Variants in CTIF observed in about 807,000 individuals in gnomAD.
CTIF encodes CBP80/20-dependent translation initiation factor.
Under a neutral mutation model 66.0 loss-of-function variants are expected in CTIF, and 21 were observed. The ratio of observed to expected loss-of-function variants is 0.32; its 90% confidence interval spans 0.23 to 0.46. The LOEUF is 0.46. Among genes scored for constraint, CTIF ranks in the 20% least tolerant of loss-of-function variants. The pLI, the probability that CTIF is intolerant of heterozygous loss-of-function variation, is 1.00. For missense variants in CTIF, 739 were observed against 812.7 expected, an observed-to-expected ratio of 0.91 and a Z score of 1.10; for synonymous variants, 345 against 326.4, an observed-to-expected ratio of 1.06 and a Z score of -0.62.
At chr18:48,731,749 A>T (rs746256205) in intron 7 of CTIF, among the ~76,000 whole-genome samples, 7 of 152,240 alleles carry the variant, frequency 4.6e-5, no homozygotes, top group Non-Finnish European at 1.0e-4. Context: ...CCCGCTTATT[A>T]TAACAGCAAT....
rs139060608 is a variant in CTIF, at chr18:48,814,887, A to G, written c.1372-2334A>G. 2.3e-3 allele frequency among the ~76,000 whole-genome samples: 353 copies of G among 152,312 alleles called. 2 individuals carry two copies. The highest frequency in any genetic ancestry group is 5.2e-3 in the South Asian group (25 of 4,818). ...GAAAGATAAACAGCAGAACTCTACA[A>G]TCATACCCAGGTGGACAATTCAGTG... On this transcript the variant is annotated intron_variant, in intron 9 of 11. Transcript: ENST00000256413.
intron 7 of CTIF, among the ~76,000 whole-genome samples, chr18:48,746,744 G>A (rs2092599975): frequency 6.6e-6 from 1 of 152,142 alleles, no homozygotes; most frequent in African/African-American, 2.4e-5. Flanking sequence ...CAGCCCCCTG[G>A]CCCCTGACCC....
chr18:48,553,393 C>T (rs1485381879), intron 1 of CTIF, among the ~76,000 whole-genome samples: 1 of 152,192 alleles, frequency 6.6e-6, no homozygotes, highest in African/African-American at 2.4e-5. Context: ...CTGTGTCTTT[C>T]CCTCCATCCT....
In CTIF at chr18:48,654,810, T is replaced by G. The variant is rs557625252; in HGVS notation, c.253-8942T>G. ...TATGCAACCATAAAAAAGGATGAGT[T>G]CATGTCCTTTGCAGGGACATGGATT... is the stretch of plus-strand genomic sequence containing the variant. On this transcript the variant is annotated intron_variant, in intron 3 of 11. Coordinates refer to ENST00000256413, the MANE Select transcript of CTIF (RefSeq NM_014772.3). Among the ~76,000 whole-genome samples, 13 of 152,280 alleles carry G rather than the reference T, an allele frequency of 8.5e-5. 1 individual carries two copies. The South Asian group carries it at 2.7e-3, about 32-fold the overall frequency.
At chr18:48,726,444 A>C (rs9952724) in intron 7 of CTIF, among the ~76,000 whole-genome samples, 44,158 of 152,046 alleles carry the variant, frequency 0.29, 7,351 homozygotes, top group African/African-American at 0.45. Flanking sequence ...TTGAGAGTGT[A>C]GTCAAACTGT....
intron 2 of CTIF, among the ~76,000 whole-genome samples, chr18:48,631,288 AC>A (rs1294134749): frequency 3.3e-5 from 5 of 151,994 alleles, no homozygotes; most frequent in African/African-American, 1.2e-4. Flanking sequence ...ACATGGTGAA[AC>A]CCTGTCTCTA....
intron 6 of CTIF, among the ~76,000 whole-genome samples, chr18:48,695,306 A>C (rs1201458404): frequency 6.6e-6 from 1 of 152,250 alleles, no homozygotes; most frequent in Non-Finnish European, 1.5e-5. Context: ...TCACTCCATC[A>C]ATCAGCATTT....
At chr18:48,714,385 C>G (rs377418404) in intron 7 of CTIF, among the ~76,000 whole-genome samples, 4 of 152,190 alleles carry the variant, frequency 2.6e-5, no homozygotes, top group African/African-American at 9.7e-5. Context: ...GATCTCCCCC[C>G]ACCATATGAA....
intron 1 of CTIF, among the ~76,000 whole-genome samples, chr18:48,563,071 G>C (rs1242560307): frequency 6.6e-6 from 1 of 152,218 alleles, no homozygotes; most frequent in Non-Finnish European, 1.5e-5. Context: ...CTTTAGCATA[G>C]CACCCGCCTC....
intron 1 of CTIF, among the ~76,000 whole-genome samples, chr18:48,581,186 A>T (rs553950226): frequency 6.6e-6 from 1 of 152,072 alleles, no homozygotes; most frequent in African/African-American, 2.4e-5. Context: ...GCAGGGGCTG[A>T]TGACTGAGTT....
Position 48,701,343 on chromosome 18 carries a change from G to A in CTIF, c.508-10276G>A, listed in dbSNP as rs2092081559. On this transcript the variant is annotated intron_variant, in intron 6 of 11. Transcript: ENST00000256413. ...AGATATCCATTATCCAGGGAATGGAGCATGTCAGTCCACTCCAGTTCCATT... is the reference window on the plus strand; with the variant it reads ...AGATATCCATTATCCAGGGAATGGAACATGTCAGTCCACTCCAGTTCCATT... Among the ~76,000 whole-genome samples, 3 of 152,184 alleles carry A rather than the reference G, an allele frequency of 2.0e-5. No homozygotes were observed. In the South Asian group the frequency reaches 6.2e-4, roughly 31 times the overall value.
chr18:48,794,519 G>A (rs2067867135), intron 9 of CTIF, among the ~76,000 whole-genome samples: 4 of 152,178 alleles, frequency 2.6e-5, no homozygotes, highest in Non-Finnish European at 5.9e-5. Context: ...CCACAGATGG[G>A]GTGGCTCTGG....
chr18:48,813,878 A>T (rs1309453931), intron 9 of CTIF, among the ~76,000 whole-genome samples: 2 of 152,136 alleles, frequency 1.3e-5, no homozygotes. Context: ...CACTGCCCCG[A>T]ATCTCCAAGG....
At chr18:48,550,027 C>T (rs569888826) in intron 1 of CTIF, among the ~76,000 whole-genome samples, 1 of 152,244 alleles carries the variant, frequency 6.6e-6, no homozygotes, top group Non-Finnish European at 1.5e-5. Context: ...CTGGCAACCA[C>T]CAACCTGGTT....
intron 7 of CTIF, among the ~76,000 whole-genome samples, chr18:48,744,119 C>A (rs940188794): frequency 6.6e-6 from 1 of 152,112 alleles, no homozygotes; most frequent in Non-Finnish European, 1.5e-5. Flanking sequence ...GAGGGTTTGG[C>A]CACCCTTCAG....
chr18:48,556,056 C>G (rs2089013212), intron 1 of CTIF, among the ~76,000 whole-genome samples: 1 of 152,198 alleles, frequency 6.6e-6, no homozygotes. Flanking sequence ...TGGAGCTTGT[C>G]TTTTTATTCT....
chr18:48,855,521 G>A (rs1372107059), intron 10 of CTIF, among the ~76,000 whole-genome samples: 2 of 152,214 alleles, frequency 1.3e-5, no homozygotes, highest in African/African-American at 4.8e-5. Context: ...CTGGATCCCT[G>A]TGACTAGGTG....
intron 9 of CTIF, among the ~76,000 whole-genome samples, 195 bp from the exon 10 acceptor site, chr18:48,817,026 G>C (rs1317299796): frequency 6.6e-6 from 1 of 152,206 alleles, no homozygotes; most frequent in African/African-American, 2.4e-5. Flanking sequence ...ACCTGAAGAA[G>C]AGGTGTTATG....
At chr18:48,818,947 G>A (rs2068426423) in intron 10 of CTIF, among the ~76,000 whole-genome samples, 1 of 152,168 alleles carries the variant, frequency 6.6e-6, no homozygotes. Flanking sequence ...GTGGGGTCAA[G>A]GGGCATCTTT....
Sources: allele counts gnomAD v4.1 joint callset (sites outside exome capture counted in the v4.1 genomes callset), GRCh38; gene constraint gnomAD v4.1.1; transcripts MANE v1.5; gene names NCBI Gene and HGNC (gene_info 2026-07-23, HGNC 2026-07-21).